AGMO: variants seen among roughly 807,000 people sequenced by gnomAD.
AGMO encodes the protein alkylglycerol monooxygenase, also known as glyceryl-ether monooxygenase.
AGMO carries 75 observed loss-of-function variants against 60.2 expected under a neutral mutation model. The ratio of observed to expected loss-of-function variants is 1.25; its 90% CI spans 1.03 to 1.51. AGMO has a LOEUF of 1.51. Among genes scored for constraint, AGMO ranks in the 40% most tolerant of loss-of-function variants. The pLI, the probability that AGMO is intolerant of heterozygous loss-of-function variation, is 0.00. For missense variants in AGMO, 763 were observed against 525.5 expected (o/e 1.45, Z -4.42); for synonymous variants, 261 against 177.1 (o/e 1.47, Z -3.76).
chr7:15,402,293 T>C (rs911854765), intron 5 of AGMO, among the ~76,000 whole-genome samples: 24 of 151,856 alleles, frequency 1.6e-4, no homozygotes, highest in Admixed American at 1.3e-4. Flanking sequence ...CCTCCTCTTT[T>C]ATTTTTTTCT....
chr7:15,372,848 A>T (rs901527123), intron 10 of AGMO, among the ~76,000 whole-genome samples: 6 of 152,222 alleles, frequency 3.9e-5, no homozygotes, highest in Non-Finnish European at 7.3e-5. Flanking sequence ...AAATTATTCT[A>T]AATTAGTTCC....
intron 1 of AGMO, among the ~76,000 whole-genome samples, chr7:15,560,918 T>G (rs184355722): frequency 6.6e-6 from 1 of 152,320 alleles, no homozygotes; most frequent in Admixed American, 6.5e-5. Flanking sequence ...TAATAATTTA[T>G]GAAGATATCA....
At chr7:15,145,419 TTATAG>T in the AGMO span, among the ~76,000 whole-genome samples, 2 of 152,176 alleles carry the variant, frequency 1.3e-5, no homozygotes, top group African/African-American at 2.4e-5. Context: ...AAATACTGTC[TTATAG>T]TATGAATACA....
intron 10 of AGMO, among the ~76,000 whole-genome samples, chr7:15,376,562 A>T (rs1249729245): frequency 6.6e-6 from 1 of 152,096 alleles, no homozygotes; most frequent in African/African-American, 2.4e-5. Flanking sequence ...ATATCATCAA[A>T]GTAATCTGTG....
intron 3 of AGMO, among the ~76,000 whole-genome samples, chr7:15,480,708 A>G (rs564937210): frequency 2.0e-5 from 3 of 152,218 alleles, no homozygotes; most frequent in Admixed American, 6.5e-5. Context: ...AAAATTTTAT[A>G]GTTTGGATCT....
At chr7:15,250,067 G>A (rs1004804555) in intron 12 of AGMO, among the ~76,000 whole-genome samples, 2 of 152,170 alleles carry the variant, frequency 1.3e-5, no homozygotes, top group African/African-American at 2.4e-5. Context: ...CTTTTAGTAA[G>A]TGTAGTTGAA....
intron 12 of AGMO, among the ~76,000 whole-genome samples, chr7:15,326,067 AATAG>A (rs1448755899): frequency 1.3e-5 from 2 of 152,210 alleles, no homozygotes; most frequent in African/African-American, 4.8e-5. Context: ...TAAATTAAAT[AATAG>A]ATACAGGTTT....
chr7:15,529,038 CA>C (rs541358368), intron 3 of AGMO, among the ~76,000 whole-genome samples: 3 of 151,284 alleles, frequency 2.0e-5, no homozygotes, highest in Non-Finnish European at 3.0e-5. Flanking sequence ...CACAAAAAGA[CA>C]AAAAAAACCT....
the AGMO span, among the ~76,000 whole-genome samples, chr7:15,190,945 C>G: frequency 5.3e-5 from 8 of 152,090 alleles, no homozygotes; most frequent in East Asian, 1.4e-3. Context: ...CAGGGTCACA[C>G]ATCTAGTAAG....
the AGMO span, among the ~76,000 whole-genome samples, chr7:15,185,401 CTTG>C: frequency 1.3e-5 from 2 of 152,148 alleles, no homozygotes; most frequent in East Asian, 3.9e-4. Flanking sequence ...AGAACAAATA[CTTG>C]TTGAAAAAAC....
At chr7:15,135,535 A>C in the AGMO span, among the ~76,000 whole-genome samples, 2 of 152,190 alleles carry the variant, frequency 1.3e-5, no homozygotes, top group African/African-American at 4.8e-5. Context: ...TAAATCAAAA[A>C]CTGCATATTT....
chr7:15,359,105 T>G (rs550560146), intron 12 of AGMO, among the ~76,000 whole-genome samples: 1 of 151,972 alleles, frequency 6.6e-6, no homozygotes, highest in African/African-American at 2.4e-5. Flanking sequence ...CTGGCTAACA[T>G]GGTGAAACCC....
At chr7:15,234,931 C>G (rs1782372665) in intron 12 of AGMO, among the ~76,000 whole-genome samples, 1 of 152,114 alleles carries the variant, frequency 6.6e-6, no homozygotes, top group Non-Finnish European at 1.5e-5. Flanking sequence ...TTATAAAGAT[C>G]TGGTCTCTCC....
intron 12 of AGMO, among the ~76,000 whole-genome samples, chr7:15,352,683 G>C (rs1782293086): frequency 6.6e-6 from 1 of 151,796 alleles, no homozygotes; most frequent in Non-Finnish European, 1.5e-5. Context: ...CCCATAATGA[G>C]TCCCTGTCAT....
At position 15,531,033 on chromosome 7, in the gene AGMO, A is replaced by ATATTCTATG. The variant is rs1448548904; in HGVS notation, c.409+13738_409+13739insCATAGAATA. On this transcript the variant is annotated intron_variant, in intron 3 of 12. Coordinates refer to ENST00000342526, the MANE Select transcript of AGMO (RefSeq NM_001004320.2). ...TATATATATTCTATATATTCCATAT[A>ATATTCTATG]TATTCTATATATATTCTATATATAT... Among the ~76,000 whole-genome samples the ATATTCTATG allele has an allele frequency of 1.0e-4, 9 of 86,124 alleles. 3 individuals are homozygous for ATATTCTATG. The highest frequency in any genetic ancestry group is 7.9e-4 in the East Asian group (2 of 2,524). 56.5% of individuals were successfully genotyped at this position (86,124 alleles called of 152,430 possible). A position where few individuals can be genotyped will look rare whatever the true frequency, so the allele number is the denominator to read the frequency against.
chr7:15,318,794 G>A (rs1294842173), intron 12 of AGMO, among the ~76,000 whole-genome samples: 1 of 151,866 alleles, frequency 6.6e-6, no homozygotes, highest in Non-Finnish European at 1.5e-5. Flanking sequence ...CTCTTTTACA[G>A]GTTGCCAATT....
chr7:15,155,419 C>CTTTTTTT, the AGMO span, among the ~76,000 whole-genome samples: 98 of 63,938 alleles, frequency 1.5e-3, 5 homozygotes, highest in Middle Eastern at 0.017. Context: ...TACAGAATTT[C>CTTTTTTT]TTTTTTTTTT....
chr7:15,248,204 A>ATATATATG (rs1782816354), intron 12 of AGMO, among the ~76,000 whole-genome samples: 5 of 95,264 alleles, frequency 5.2e-5, no homozygotes, highest in Admixed American at 4.3e-4. Flanking sequence ...ATATATATAT[A>ATATATATG]TATATATATA....
At chr7:15,163,399 A>G in the AGMO span, among the ~76,000 whole-genome samples, 4 of 152,014 alleles carry the variant, frequency 2.6e-5, no homozygotes, top group Non-Finnish European at 1.5e-5. Context: ...GTCTTGTTCC[A>G]GTTCTTAGGG....
Sources: allele counts gnomAD v4.1 joint callset (sites outside exome capture counted in the v4.1 genomes callset), GRCh38; gene constraint gnomAD v4.1.1; transcripts MANE v1.5; gene names NCBI Gene and HGNC (gene_info 2026-07-23, HGNC 2026-07-21).